Variants in ESRRG observed in about 807,000 individuals in gnomAD.
The protein encoded by ESRRG is estrogen related receptor gamma, also known as estrogen-related receptor gamma.
ESRRG carries 13 observed loss-of-function variants against 44.0 expected under a neutral mutation model. That is an observed-to-expected ratio of 0.30 (90% CI 0.19 to 0.47). The LOEUF (loss-of-function observed/expected upper bound fraction) is 0.47, where lower values mean the gene tolerates loss of function less well. ESRRG is among the 20% of genes least tolerant of loss of function. ESRRG has a pLI of 1.00. For missense variants in ESRRG, 395 were observed against 580.6 expected (o/e 0.68, Z 3.29); for synonymous variants, 215 against 214.6 (o/e 1.00, Z -0.02).
At chr1:216,874,502 C>T (rs1446636931) in intron 2 of ESRRG, among the ~76,000 whole-genome samples, 1 of 152,192 alleles carries the variant, frequency 6.6e-6, no homozygotes, top group South Asian at 2.1e-4. Flanking sequence ...ACAAACTATT[C>T]CCTGAGAAGC....
At chr1:216,955,559 G>A (rs1370561431) in intron 1 of ESRRG, among the ~76,000 whole-genome samples, 1 of 152,080 alleles carries the variant, frequency 6.6e-6, no homozygotes, top group Non-Finnish European at 1.5e-5. Flanking sequence ...TAAATACACA[G>A]TAGTGGGATT....
intron 1 of ESRRG, among the ~76,000 whole-genome samples, chr1:217,101,024 T>C (rs1306870889): frequency 6.6e-6 from 1 of 152,230 alleles, no homozygotes; most frequent in Admixed American, 6.5e-5. Flanking sequence ...TTACCATTTG[T>C]TTTACAAAGA....
chr1:216,948,438 C>T (rs1207361303), intron 1 of ESRRG, among the ~76,000 whole-genome samples: 1 of 135,478 alleles, frequency 7.4e-6, no homozygotes, highest in African/African-American at 2.8e-5. Flanking sequence ...GATGGCACTA[C>T]TGCACTCCAG....
chr1:217,085,099 G>A (rs2091997651), intron 1 of ESRRG, among the ~76,000 whole-genome samples: 1 of 88,982 alleles, frequency 1.1e-5, no homozygotes, highest in Admixed American at 1.1e-4. Context: ...ACAATGGGTT[G>A]TGAATCAAGG....
At chr1:216,699,036 G>T (rs1056144700) in intron 1 of ESRRG, among the ~76,000 whole-genome samples, 1 of 152,142 alleles carries the variant, frequency 6.6e-6, no homozygotes, top group East Asian at 1.9e-4. Context: ...TGAGGGCTGC[G>T]TGCTGAGGCC....
chr1:216,725,787 T>C (rs1475311852), upstream of ESRRG, among the ~76,000 whole-genome samples: 1 of 152,198 alleles, frequency 6.6e-6, no homozygotes, highest in Non-Finnish European at 1.5e-5. Context: ...TCAATGCATC[T>C]TAATGTACTC....
chr1:216,578,445 G>A (rs941400159), intron 3 of ESRRG, among the ~76,000 whole-genome samples: 1 of 152,076 alleles, frequency 6.6e-6, no homozygotes, highest in Non-Finnish European at 1.5e-5. Flanking sequence ...TTGCTTGGTT[G>A]CAAGCCACAG....
chr1:216,752,688 T>C (rs1051771420), intron 2 of ESRRG, among the ~76,000 whole-genome samples: 1 of 152,064 alleles, frequency 6.6e-6, no homozygotes, highest in Non-Finnish European at 1.5e-5. Context: ...GTCTGAGACA[T>C]TTCTTTCTTC....
chr1:216,971,881 A>G (rs1275336895), intron 1 of ESRRG, among the ~76,000 whole-genome samples: 1 of 152,198 alleles, frequency 6.6e-6, no homozygotes, highest in African/African-American at 2.4e-5. Context: ...CTTTTCCTTC[A>G]GCTACGCTAA....
chr1:216,967,978 A>G (rs1326954261), intron 1 of ESRRG, among the ~76,000 whole-genome samples: 1 of 152,140 alleles, frequency 6.6e-6, no homozygotes, highest in Non-Finnish European at 1.5e-5. Flanking sequence ...TTTAATTTGA[A>G]ATTCCTGAGT....
At chr1:216,843,639 G>A (rs1021713567) in intron 2 of ESRRG, among the ~76,000 whole-genome samples, 1 of 152,084 alleles carries the variant, frequency 6.6e-6, no homozygotes, top group African/African-American at 2.4e-5. Flanking sequence ...GCAATCATCC[G>A]GCAAGCAAGG....
chr1:216,895,418 A>G (rs953846056), intron 2 of ESRRG, among the ~76,000 whole-genome samples: 1 of 152,202 alleles, frequency 6.6e-6, no homozygotes, highest in Non-Finnish European at 1.5e-5. Context: ...TAAAGGGCCA[A>G]TTAGGGTGAA....
chr1:216,885,751 G>A (rs1035639128), intron 2 of ESRRG, among the ~76,000 whole-genome samples: 3 of 151,650 alleles, frequency 2.0e-5, no homozygotes, highest in African/African-American at 7.3e-5. Context: ...GTCTTCTGAC[G>A]CTATTTTTCA....
At chr1:216,637,032 T>C (rs1288724916) in intron 3 of ESRRG, among the ~76,000 whole-genome samples, 1 of 152,144 alleles carries the variant, frequency 6.6e-6, no homozygotes, top group Non-Finnish European at 1.5e-5. Flanking sequence ...TACAGAATCG[T>C]TGAGAAGTAC....
intron 5 of ESRRG, among the ~76,000 whole-genome samples, chr1:216,525,824 T>G (rs1447606564): frequency 6.6e-6 from 1 of 152,176 alleles, no homozygotes; most frequent in Non-Finnish European, 1.5e-5. Context: ...CTGGTAGAAC[T>G]AGGTCAAGAA....
At chr1:216,613,708 T>C (rs191135512) in intron 3 of ESRRG, among the ~76,000 whole-genome samples, 1 of 152,346 alleles carries the variant, frequency 6.6e-6, no homozygotes, top group Non-Finnish European at 1.5e-5. Flanking sequence ...ACATTAATAA[T>C]GCTGACCATT....
chr1:217,035,605 C>A (rs558869111), intron 1 of ESRRG, among the ~76,000 whole-genome samples: 1 of 149,790 alleles, frequency 6.7e-6, no homozygotes, highest in South Asian at 2.1e-4. Flanking sequence ...CTAGGCCCTG[C>A]GATATTTAAT....
chr1:216,602,511 A>C (rs75524224), intron 3 of ESRRG, among the ~76,000 whole-genome samples: 1,662 of 152,338 alleles, frequency 0.011, 11 homozygotes, highest in Non-Finnish European at 0.018. Flanking sequence ...TTTTTCCATG[A>C]ACTATTGTGT....
At chr1:216,662,983 G>C (rs2072916069) in intron 2 of ESRRG, among the ~76,000 whole-genome samples, 1 of 152,208 alleles carries the variant, frequency 6.6e-6, no homozygotes, top group African/African-American at 2.4e-5. Flanking sequence ...ATACTTTACA[G>C]TCTATTATCC....
Sources: allele counts gnomAD v4.1 joint callset (sites outside exome capture counted in the v4.1 genomes callset), GRCh38; gene constraint gnomAD v4.1.1; transcripts MANE v1.5; gene names NCBI Gene and HGNC (gene_info 2026-07-23, HGNC 2026-07-21).